Variants in WDR41 observed in about 807,000 individuals in gnomAD.
WDR41 encodes WD repeat-containing protein 41.
In WDR41, 63 loss-of-function variants were observed where a neutral mutation model predicts 69.3. The observed-to-expected ratio is 0.91, with a 90% CI of 0.74 to 1.12. The LOEUF is 1.12. Among genes scored for constraint, WDR41 ranks in the 50% most tolerant of loss-of-function variants. WDR41 has a pLI of 0.00. For synonymous variants in WDR41, 185 were observed against 192.1 expected, an observed-to-expected ratio of 0.96 and a Z score of 0.31; for missense variants, 543 against 534.5, an observed-to-expected ratio of 1.02 and a Z score of -0.16.
At chr5:77,610,768 T>G (rs1404081478) in intron 1 of WDR41, among the ~76,000 whole-genome samples, 1 of 152,040 alleles carries the variant, frequency 6.6e-6, no homozygotes, top group African/African-American at 2.4e-5. Flanking sequence ...AATCACCAGC[T>G]AACATCATAA....
chr5:77,445,224 C>A (rs936535164), intron 8 of WDR41, among the ~76,000 whole-genome samples: 1 of 152,112 alleles, frequency 6.6e-6, no homozygotes, highest in Non-Finnish European at 1.5e-5. Context: ...CAAGACTAAA[C>A]CAGTAAGAAG....
chr5:77,609,744 G>C (rs1399588743), intron 1 of WDR41, among the ~76,000 whole-genome samples: 1 of 152,198 alleles, frequency 6.6e-6, no homozygotes, highest in Non-Finnish European at 1.5e-5. Flanking sequence ...CTAAAAAGCA[G>C]AGCGCCTCTC....
chr5:77,569,903 T>C (rs1041917244), intron 1 of WDR41, among the ~76,000 whole-genome samples: 2 of 152,194 alleles, frequency 1.3e-5, no homozygotes, highest in Admixed American at 6.5e-5. Context: ...TCTTCTTAAA[T>C]ACATCTACAT....
chr5:77,506,892 G>C (rs541921079), intron 1 of WDR41, among the ~76,000 whole-genome samples: 3 of 152,046 alleles, frequency 2.0e-5, no homozygotes, highest in Non-Finnish European at 4.4e-5. Context: ...TGTAGGGGGT[G>C]GGGAGCTGGG....
chr5:77,479,567 T>C (rs1801127438), intron 2 of WDR41, among the ~76,000 whole-genome samples: 2 of 152,208 alleles, frequency 1.3e-5, no homozygotes, highest in South Asian at 2.1e-4. Context: ...AAACAAGAAA[T>C]GGGGAAACGA....
At chr5:77,434,284 C>T (rs907398826) in intron 12 of WDR41, among the ~76,000 whole-genome samples, 1 of 152,068 alleles carries the variant, frequency 6.6e-6, no homozygotes, top group South Asian at 2.1e-4. Context: ...GTACTCCAAC[C>T]TGGGCAACAA....
intron 2 of WDR41, among the ~76,000 whole-genome samples, chr5:77,465,682 A>G (rs1179335979): frequency 6.6e-6 from 1 of 151,402 alleles, no homozygotes; most frequent in Non-Finnish European, 1.5e-5. Flanking sequence ...GAATCAATTT[A>G]AAGTTGTCCC....
At chr5:77,514,120 A>G (rs1802252055) in intron 1 of WDR41, among the ~76,000 whole-genome samples, 1 of 152,214 alleles carries the variant, frequency 6.6e-6, no homozygotes, top group African/African-American at 2.4e-5. Context: ...ATACAGAATT[A>G]GGGAAATATA....
Position 77,543,685 on chromosome 5 carries a change from G to A in WDR41, c.43-54113C>T, listed in dbSNP as rs1047662354. On this transcript the variant is annotated intron_variant, in intron 1 of 5. Coordinates refer to the WDR41 transcript ENST00000509971. ...TAAACGACCAAAGCAAAGAATTATC[G>A]GTGTTCCTGAGGAAGAAGAGAATTC... is the stretch of plus-strand genomic sequence containing the variant. Among the ~76,000 whole-genome samples, 7 of 152,126 alleles carry A rather than the reference G, an allele frequency of 4.6e-5. No individual in the cohort carries two copies. In the East Asian group the frequency reaches 1.2e-3, roughly 25 times the overall value.
intron 1 of WDR41, among the ~76,000 whole-genome samples, chr5:77,510,840 C>G (rs143245048): frequency 7.2e-6 from 1 of 138,676 alleles, no homozygotes; most frequent in Admixed American, 8.0e-5. Flanking sequence ...GGCGTGATCT[C>G]GGCTCACTGC....
chr5:77,496,999 G>A (rs749567301), upstream of WDR41, among the ~76,000 whole-genome samples: 1 of 152,122 alleles, frequency 6.6e-6, no homozygotes, highest in Non-Finnish European at 1.5e-5. Flanking sequence ...AATGGGGAAA[G>A]GACAGTCTTT....
chr5:77,569,489 C>T (rs375163676), intron 1 of WDR41, among the ~76,000 whole-genome samples: 10 of 152,182 alleles, frequency 6.6e-5, no homozygotes, highest in Non-Finnish European at 1.3e-4. Flanking sequence ...ACCCAGAGCT[C>T]TCATGGAACT....
chr5:77,446,648 C>T (rs985761212), intron 8 of WDR41, among the ~76,000 whole-genome samples: 3 of 152,168 alleles, frequency 2.0e-5, no homozygotes, highest in African/African-American at 7.2e-5. Flanking sequence ...TGATCTTCAA[C>T]AAACCTGACA....
intron 1 of WDR41, among the ~76,000 whole-genome samples, chr5:77,546,595 C>G (rs1743205224): frequency 6.6e-6 from 1 of 152,092 alleles, no homozygotes; most frequent in Non-Finnish European, 1.5e-5. Flanking sequence ...ATACCCTGAA[C>G]AGACCAATAA....
chr5:77,527,826 A>G (rs950358645), intron 1 of WDR41, among the ~76,000 whole-genome samples: 2 of 151,782 alleles, frequency 1.3e-5, no homozygotes, highest in African/African-American at 4.8e-5. Context: ...TAAGAAATCT[A>G]CCTCTAAATG....
At chr5:77,495,356 T>C (rs1400468572), upstream of WDR41, among the ~76,000 whole-genome samples, 2 of 150,968 alleles carry the variant, frequency 1.3e-5, no homozygotes, top group East Asian at 3.9e-4. Flanking sequence ...TTTGCAAAGA[T>C]GAAAAAAATT....
chr5:77,472,801 C>A lies in WDR41; in HGVS notation c.168-7992G>T, dbSNP rs559234561. On this transcript the variant is annotated intron_variant, in intron 2 of 12. Coordinates refer to ENST00000296679, the MANE Select transcript of WDR41 (RefSeq NM_018268.4). ...CAAACAAATGGAAGAACATTCCATGCTCATGGGTAGGAAGAATCAATATCG... is the reference window on the plus strand; with the variant it reads ...CAAACAAATGGAAGAACATTCCATGATCATGGGTAGGAAGAATCAATATCG... Among the ~76,000 whole-genome samples, 5 of 152,124 alleles carry A rather than the reference C, an allele frequency of 3.3e-5. No homozygotes were observed. The South Asian group carries it at 1.0e-3, about 32-fold the overall frequency.
Position 77,505,060 on chromosome 5 carries a change from A to G in WDR41, c.43-15488T>C, listed in dbSNP as rs573298713. 2.2e-3 allele frequency among the ~76,000 whole-genome samples: 336 copies of G among 152,320 alleles called. 1 individual carries two copies. Among genetic ancestry groups the G allele is most frequent in the Admixed American group, 8.8e-3 (135 of 15,302 alleles). Reference sequence around the variant, plus strand: ...CAAGAGAAAGAAATAAAGGGTATTCAATTAGGAAAAGAGGAAGTCAAATTG... The same window carrying G: ...CAAGAGAAAGAAATAAAGGGTATTCGATTAGGAAAAGAGGAAGTCAAATTG... On this transcript the variant is annotated intron_variant, in intron 1 of 5. Transcript: ENST00000509971.
upstream of WDR41, chr5:77,492,530 GGGTAGCGCAC>G (rs1801860409): frequency 2.8e-6 from 1 of 355,346 alleles, no homozygotes; most frequent in Non-Finnish European, 5.0e-6. Context: ...GAGCGCCGCC[GGGTAGCGCAC>G]GGAGCTTAGG....
Sources: allele counts gnomAD v4.1 joint callset (sites outside exome capture counted in the v4.1 genomes callset), GRCh38; gene constraint gnomAD v4.1.1; transcripts MANE v1.5; gene names NCBI Gene and HGNC (gene_info 2026-07-23, HGNC 2026-07-21).